Variants in HILPDA observed in about 807,000 individuals in gnomAD.
The protein encoded by HILPDA is hypoxia-inducible lipid droplet-associated protein.
For missense variants in HILPDA, 72 were observed against 73.5 expected (o/e 0.98, Z 0.08); for synonymous variants, 37 against 33.2 (o/e 1.12, Z -0.40).
At position 128,457,767 on chromosome 7, in the gene HILPDA, C is replaced by T; in HGVS notation, c.*307C>T. Reference sequence around the variant, plus strand: ...TCTCTACTAAAAATACAAAAGTTAGCTGGGTGTGGTGGCAGAGGCCTGTAA... The same window carrying T: ...TCTCTACTAAAAATACAAAAGTTAGTTGGGTGTGGTGGCAGAGGCCTGTAA... On this transcript the variant is annotated 3_prime_UTR_variant, in exon 2 of 2. Transcript: ENST00000257696. 1 of 237,498 alleles carries T rather than the reference C, an allele frequency of 4.2e-6. No individual in the cohort carries two copies. Among genetic ancestry groups the T allele is most frequent in the Non-Finnish European group, 8.8e-6 (1 of 113,174 alleles). 14.7% of individuals were successfully genotyped at this position (237,498 alleles called of 1,614,324 possible).
Position 128,456,607 on chromosome 7 carries a change from G to A in HILPDA, c.-69+584G>A, listed in dbSNP as rs200381414. 172 of 155,458 alleles carry A rather than the reference G, an allele frequency of 1.1e-3. 1 individual carries two copies. The highest frequency in any genetic ancestry group is 1.4e-3 in the Non-Finnish European group (97 of 69,688). 9.6% of individuals were successfully genotyped at this position (155,458 alleles called of 1,614,324 possible). On this transcript the variant is annotated intron_variant, in intron 1 of 1. Transcript: ENST00000257696. Reference sequence around the variant, plus strand: ...CAGGAAGGTGACTGATGCCTGCACTGTAGCACAGGGGTTGTGTATTGTGCC... The same window carrying A: ...CAGGAAGGTGACTGATGCCTGCACTATAGCACAGGGGTTGTGTATTGTGCC...
chr7:128,455,918 T>C lies in HILPDA; in HGVS notation c.-174T>C, dbSNP rs1232076218. On this transcript the variant is annotated 5_prime_UTR_variant, in exon 1 of 2. Transcript: ENST00000257696. ...CGGCGCTTTTGTCTCCGGTGAGTTT[T>C]GTGGCGGGAAGCTTCTGCGCTGGTG... 1 of 456,752 alleles carries C rather than the reference T, an allele frequency of 2.2e-6. No individual in the cohort carries two copies. The highest frequency in any genetic ancestry group is 2.3e-5 in the Admixed American group (1 of 42,586). 28.3% of individuals were successfully genotyped at this position (456,752 alleles called of 1,614,324 possible). A position where few individuals can be genotyped will look rare whatever the true frequency, so the allele number is the denominator to read the frequency against.
rs1563019160 is a variant in HILPDA, at chr7:128,456,096, G to C, written c.-69+73G>C. Reference sequence around the variant, plus strand: ...GTGCTCGCCGCGCTAGCAGCCTCGCGTTCCAGGGCTGGGGGTGCGCCGCCG... The same window carrying C: ...GTGCTCGCCGCGCTAGCAGCCTCGCCTTCCAGGGCTGGGGGTGCGCCGCCG... On this transcript the variant is annotated intron_variant, in intron 1 of 1. Transcript: ENST00000257696. The C allele has an allele frequency of 9.8e-6, 4 of 410,106 alleles. No homozygotes were observed. In the East Asian group the frequency reaches 2.9e-4, roughly 30 times the overall value. 25.4% of individuals were successfully genotyped at this position (410,106 alleles called of 1,614,324 possible).
rs376818816 is a variant in HILPDA at position 128,457,909 on chromosome 7, CA to C, written c.*459del. ...TGGGCCACAGTGCAAGACTCCATCT[CA>C]AAAAAAAAAGAAAAGAAAAAGCCTG... is the stretch of plus-strand genomic sequence containing the variant. On this transcript the variant is annotated 3_prime_UTR_variant, in exon 2 of 2. Transcript: ENST00000257696. 225 of 166,660 alleles carry C rather than the reference CA, an allele frequency of 1.4e-3. No individual in the cohort carries two copies. The highest frequency in any genetic ancestry group is 5.7e-3 in the South Asian group (34 of 5,938). The allele number at this position is 166,660 out of a possible 1,614,324, so 10.3% of individuals were successfully genotyped here. A position where few individuals can be genotyped will look rare whatever the true frequency, so the allele number is the denominator to read the frequency against.
At chr7:128,456,190 G>A (rs2116812907) in intron 1 of HILPDA, 167 bp downstream of exon 1, 2 of 341,010 alleles carry the variant, frequency 5.9e-6, no homozygotes, top group East Asian at 1.6e-4. Context: ...TTTGTCCTAA[G>A]GTGGTCCTAA....
At chr7:128,456,584 G>C (rs1471545613) in intron 1 of HILPDA, 1 of 154,806 alleles carries the variant, frequency 6.5e-6, no homozygotes, top group African/African-American at 2.4e-5. Flanking sequence ...GCCTATTTCA[G>C]GAAGGTGACT....
In HILPDA at chr7:128,455,949, T is replaced by C. The variant is rs1285536843; in HGVS notation, c.-143T>C. On this transcript the variant is annotated 5_prime_UTR_variant, in exon 1 of 2. Coordinates refer to ENST00000257696, the MANE Select transcript of HILPDA (RefSeq NM_013332.4). ...GGGAAGCTTCTGCGCTGGTGCTTAG[T>C]AACCGACTTTCCTCCGGACTCCTGC... 1 of 456,572 alleles carries C rather than the reference T, an allele frequency of 2.2e-6. No individual in the cohort carries two copies. 28.3% of individuals were successfully genotyped at this position (456,572 alleles called of 1,614,324 possible).
rs1248781861 is a variant in HILPDA, at chr7:128,457,959, T to A, written c.*499T>A. 5.7e-6 allele frequency: 1 copy of A among 176,714 alleles called. No homozygotes were observed. The highest frequency in any genetic ancestry group is 1.4e-5 in the Non-Finnish European group (1 of 72,816). The allele number at this position is 176,714 out of a possible 1,614,324, so 10.9% of individuals were successfully genotyped here. ...TGTTTAATGCACAGGTGTGAGTGGA[T>A]TGCTTATGGCTATGAGATAGGTTGA... On this transcript the variant is annotated 3_prime_UTR_variant, in exon 2 of 2. Transcript: ENST00000257696.
In HILPDA at chr7:128,457,302, G is replaced by A. The variant is rs1799556123; in HGVS notation, c.34G>A (p.Val12Met). 1 of 1,613,970 alleles carries A rather than the reference G, an allele frequency of 6.2e-7. No homozygotes were observed. The highest frequency in any genetic ancestry group is 8.5e-7 in the Non-Finnish European group (1 of 1,179,924). ...TGTGTTGAACCTCTACCTGTTAGGT[G>A]TGGTACTGACCCTACTCTCCATCTT... ...KHVLNLYLLGVVLTLLSIFVR... is the reference protein window; with the variant it reads ...KHVLNLYLLGMVLTLLSIFVR... The change falls in exon 2 of 2, where the codon GTG (valine) becomes ATG (methionine). Residue 12 changes from valine to methionine, a missense_variant. Physicochemically the swap from Val to Met is conservative, Grantham distance 21 (BLOSUM62 1). Coordinates refer to ENST00000257696, the MANE Select transcript of HILPDA (RefSeq NM_013332.4).
chr7:128,455,914 G>GT lies in HILPDA; in HGVS notation c.-174dup. 1 of 456,772 alleles carries GT rather than the reference G, an allele frequency of 2.2e-6. No individual in the cohort carries two copies. Among genetic ancestry groups the GT allele is most frequent in the South Asian group, 1.5e-5 (1 of 64,576 alleles). The allele number at this position is 456,772 out of a possible 1,614,324, so 28.3% of individuals were successfully genotyped here. A position where few individuals can be genotyped will look rare whatever the true frequency, so the allele number is the denominator to read the frequency against. On this transcript the variant is annotated 5_prime_UTR_variant, in exon 1 of 2. Coordinates refer to ENST00000257696, the MANE Select transcript of HILPDA (RefSeq NM_013332.4). Reference sequence around the variant, plus strand: ...CTGACGGCGCTTTTGTCTCCGGTGAGTTTTGTGGCGGGAAGCTTCTGCGCT... The same window carrying GT: ...CTGACGGCGCTTTTGTCTCCGGTGAGTTTTTGTGGCGGGAAGCTTCTGCGCT...
chr7:128,457,891 C>A lies in HILPDA; in HGVS notation c.*431C>A. 5.3e-6 allele frequency: 1 copy of A among 187,384 alleles called. No individual in the cohort carries two copies. Among genetic ancestry groups the A allele is most frequent in the Admixed American group, 5.5e-5 (1 of 18,142 alleles). The allele number at this position is 187,384 out of a possible 1,614,324, so 11.6% of individuals were successfully genotyped here. On this transcript the variant is annotated 3_prime_UTR_variant, in exon 2 of 2. Transcript: ENST00000257696. ...GCACTGCTGTACCCAGCCTGGGCCA[C>A]AGTGCAAGACTCCATCTCAAAAAAA...
At chr7:128,456,594 T>TG (rs1187925875) in intron 1 of HILPDA, 2 of 155,108 alleles carry the variant, frequency 1.3e-5, no homozygotes, top group East Asian at 3.8e-4. Flanking sequence ...GGAAGGTGAC[T>TG]GATGCCTGCA....
chr7:128,457,574 T>G lies in HILPDA; in HGVS notation c.*114T>G. ...ACCGTTGTAACCAGAGAACTATTAC[T>G]AGGCCTTGAAGAACCTGTCTAACTG... On this transcript the variant is annotated 3_prime_UTR_variant, in exon 2 of 2. Transcript: ENST00000257696. The G allele has an allele frequency of 9.8e-7, 1 of 1,021,988 alleles. No homozygotes were observed. 63.3% of individuals were successfully genotyped at this position (1,021,988 alleles called of 1,614,324 possible). A position where few individuals can be genotyped will look rare whatever the true frequency, so the allele number is the denominator to read the frequency against.
rs1272883765 is a variant in HILPDA, at chr7:128,455,897, G to C, written c.-195G>C. 4.4e-6 allele frequency: 2 copies of C among 456,768 alleles called. No individual in the cohort carries two copies. Among genetic ancestry groups the C allele is most frequent in the Non-Finnish European group, 4.4e-6 (1 of 226,982 alleles). 28.3% of individuals were successfully genotyped at this position (456,768 alleles called of 1,614,324 possible). On this transcript the variant is annotated 5_prime_UTR_variant, in exon 1 of 2. Transcript: ENST00000257696. The stretch of plus-strand genomic sequence containing the variant: ...TGCTCTGCGCTCTGCGGCTGACGGC[G>C]CTTTTGTCTCCGGTGAGTTTTGTGG...
rs764879759 is a variant in HILPDA, at chr7:128,457,552, G to C, written c.*92G>C. On this transcript the variant is annotated 3_prime_UTR_variant, in exon 2 of 2. Transcript: ENST00000257696. ...ATTCCTAGCAGACAAGCTGAGCACC[G>C]TTGTAACCAGAGAACTATTACTAGG... 1 of 1,173,164 alleles carries C rather than the reference G, an allele frequency of 8.5e-7. No homozygotes were observed. The highest frequency in any genetic ancestry group is 1.9e-5 in the Admixed American group (1 of 51,884). 72.7% of individuals were successfully genotyped at this position (1,173,164 alleles called of 1,614,324 possible). A position where few individuals can be genotyped will look rare whatever the true frequency, so the allele number is the denominator to read the frequency against.
At chr7:128,456,304 AGCGTGTT>A in intron 1 of HILPDA, 1 of 267,476 alleles carries the variant, frequency 3.7e-6, no homozygotes, top group South Asian at 3.5e-5. Flanking sequence ...CCCAACACTT[AGCGTGTT>A]GCGTGTTAAC....
rs759708391 is a variant in HILPDA at position 128,455,935 on chromosome 7, G to A, written c.-157G>A. The A allele has an allele frequency of 4.4e-6, 2 of 456,396 alleles. No individual in the cohort carries two copies. The highest frequency in any genetic ancestry group is 8.8e-6 in the Non-Finnish European group (2 of 226,938). 28.3% of individuals were successfully genotyped at this position (456,396 alleles called of 1,614,324 possible). A position where few individuals can be genotyped will look rare whatever the true frequency, so the allele number is the denominator to read the frequency against. The stretch of plus-strand genomic sequence containing the variant: ...GTGAGTTTTGTGGCGGGAAGCTTCT[G>A]CGCTGGTGCTTAGTAACCGACTTTC... On this transcript the variant is annotated 5_prime_UTR_variant, in exon 1 of 2. Transcript: ENST00000257696.
chr7:128,456,173 G>A (rs1314779760), intron 1 of HILPDA, 150 bp downstream of exon 1: 1 of 355,072 alleles, frequency 2.8e-6, no homozygotes, highest in East Asian at 7.6e-5. Context: ...TCAGCCGTCA[G>A]CCCTGTTTTG....
At position 128,457,491 on chromosome 7, in the gene HILPDA, G is replaced by A; in HGVS notation, c.*31G>A. 1 of 1,600,446 alleles carries A rather than the reference G, an allele frequency of 6.2e-7. No individual in the cohort carries two copies. Among genetic ancestry groups the A allele is most frequent in the South Asian group, 1.1e-5 (1 of 90,714 alleles). On this transcript the variant is annotated 3_prime_UTR_variant, in exon 2 of 2. Transcript: ENST00000257696. ...CCTCCTTCCATACTGGCCATATTTT[G>A]GAACACTGACCTAGACATGTCCAGA... is the stretch of plus-strand genomic sequence containing the variant.
Sources: gnomAD v4.1 joint callset for allele counts on GRCh38, gnomAD v4.1.1 for gene constraint, MANE v1.5 for transcripts, NCBI Gene and HGNC (gene_info 2026-07-23, HGNC 2026-07-21) for gene names.